The following PTN variants were observed in gnomAD, a reference collection of about 807,000 sequenced individuals.
PTN encodes pleiotrophin.
PTN carries 18 observed loss-of-function variants against 24.1 expected under a neutral mutation model. The observed-to-expected ratio is 0.75, with a 90% CI of 0.52 to 1.11. The LOEUF (loss-of-function observed/expected upper bound fraction) is 1.11. Among genes scored for constraint, PTN ranks in the 50% least tolerant of loss-of-function variants. PTN has a pLI of 0.00. For synonymous variants in PTN, 78 were observed against 68.6 expected, an observed-to-expected ratio of 1.14 and a Z score of -0.67; for missense variants, 163 against 198.8, an observed-to-expected ratio of 0.82 and a Z score of 1.08.
At chr7:137,258,310 T>C (rs1292077245) in intron 1 of PTN, among the ~76,000 whole-genome samples, 1 of 152,212 alleles carries the variant, frequency 6.6e-6, no homozygotes, top group Non-Finnish European at 1.5e-5. Flanking sequence ...CTGCCTCTAA[T>C]GTTAATTTAG....
chr7:137,291,137 T>A (rs1268224863), intron 1 of PTN, among the ~76,000 whole-genome samples: 1 of 152,204 alleles, frequency 6.6e-6, no homozygotes, highest in Non-Finnish European at 1.5e-5. Flanking sequence ...GTTTATTCTG[T>A]CTGTATACTA....
chr7:137,236,355 C>T lies in PTN; in HGVS notation c.452-8280G>A, dbSNP rs1004115489. The T allele has an allele frequency of 9.4e-5, 64 of 684,088 alleles. 1 individual carries two copies. Among genetic ancestry groups the T allele is most frequent in the African/African-American group, 7.2e-4 (41 of 56,654 alleles). The allele number at this position is 684,088 out of a possible 1,614,324, so 42.4% of individuals were successfully genotyped here. On this transcript the variant is annotated intron_variant, in intron 4 of 4. Coordinates refer to ENST00000348225, the MANE Select transcript of PTN (RefSeq NM_002825.7). Reference sequence around the variant, plus strand: ...GGTGGGGGAATCAGCCACACATGAGCGTGTTGGGATCAGTCCCTGATCTGA... The same window carrying T: ...GGTGGGGGAATCAGCCACACATGAGTGTGTTGGGATCAGTCCCTGATCTGA...
Position 137,251,339 on chromosome 7 carries a change from G to A in PTN, c.342C>T (p.Ala114=), listed in dbSNP as rs1182404227. 3 of 1,613,918 alleles carry A rather than the reference G, an allele frequency of 1.9e-6. No homozygotes were observed. In the Admixed American group the frequency reaches 5.0e-5, roughly 27 times the overall value. The change falls in exon 4 of 5, where the codon GCC becomes GCT. Residue 114 remains alanine, a synonymous_variant. Coordinates refer to ENST00000348225, the MANE Select transcript of PTN (RefSeq NM_002825.7). ...QAWGECDLNT[A]LKTRTGSLKR... The stretch of plus-strand genomic sequence containing the variant: ...TCAGACTTCCAGTTCTGGTCTTCAG[G>A]GCTGTGTTCAGGTCACATTCTCCCC...
At chr7:137,232,196 T>C (rs1176887981) in intron 4 of PTN, among the ~76,000 whole-genome samples, 1 of 151,828 alleles carries the variant, frequency 6.6e-6, no homozygotes, top group Non-Finnish European at 1.5e-5. Context: ...AAAGCAGAAA[T>C]GGATATAAAC....
intron 1 of PTN, among the ~76,000 whole-genome samples, chr7:137,307,478 G>T (rs1357547139): frequency 6.6e-6 from 1 of 152,084 alleles, no homozygotes; most frequent in Non-Finnish European, 1.5e-5. Context: ...TGGATGAAGA[G>T]CTGGCTTAGT....
At chr7:137,259,088 C>T (rs1227818102) in intron 1 of PTN, among the ~76,000 whole-genome samples, 1 of 151,972 alleles carries the variant, frequency 6.6e-6, no homozygotes, top group South Asian at 2.1e-4. Flanking sequence ...GTGCTGGTGT[C>T]TGGAAATAAT....
intron 1 of PTN, among the ~76,000 whole-genome samples, chr7:137,321,178 C>A (rs935706757): frequency 4.6e-5 from 7 of 152,130 alleles, no homozygotes; most frequent in Non-Finnish European, 7.4e-5. Flanking sequence ...GCTAAACAAG[C>A]AAAGACCCTG....
At chr7:137,321,625 CT>C (rs775880352) in intron 1 of PTN, among the ~76,000 whole-genome samples, 1 of 152,060 alleles carries the variant, frequency 6.6e-6, no homozygotes, top group Non-Finnish European at 1.5e-5. Flanking sequence ...GGTGGCTTTT[CT>C]TCTGTTTAAT....
Position 137,305,169 on chromosome 7 carries a change from C to T in PTN, c.-2+38270G>A, listed in dbSNP as rs190291482. On this transcript the variant is annotated intron_variant, in intron 1 of 4. Coordinates refer to ENST00000348225, the MANE Select transcript of PTN (RefSeq NM_002825.7). ...ATGTTAGCGATTAAAATATAAAAAT[C>T]GGCACTAAATTCAGATCAACCTCAA... Among the ~76,000 whole-genome samples, 189 of 152,076 alleles carry T rather than the reference C, an allele frequency of 1.2e-3. 1 individual carries two copies. The highest frequency in any genetic ancestry group is 4.4e-3 in the African/African-American group (182 of 41,526).
chr7:137,259,335 T>C (rs1172868422), intron 1 of PTN, among the ~76,000 whole-genome samples: 2 of 151,982 alleles, frequency 1.3e-5, no homozygotes, highest in African/African-American at 4.8e-5. Context: ...AGCGACCTAT[T>C]TGGGGGATTA....
At chr7:137,290,465 ATAG>A (rs561409296) in intron 1 of PTN, among the ~76,000 whole-genome samples, 41 of 152,294 alleles carry the variant, frequency 2.7e-4, no homozygotes, top group Middle Eastern at 3.4e-3. Context: ...GAAAATATCA[ATAG>A]TAGTAGGTTC....
chr7:137,279,266 T>C (rs971835849), intron 1 of PTN, among the ~76,000 whole-genome samples: 1 of 152,212 alleles, frequency 6.6e-6, no homozygotes. Flanking sequence ...TGAATGTCCA[T>C]GTATTTTGCC....
chr7:137,321,141 G>A (rs1270820183), intron 1 of PTN, among the ~76,000 whole-genome samples: 1 of 152,094 alleles, frequency 6.6e-6, no homozygotes, highest in Non-Finnish European at 1.5e-5. Flanking sequence ...TGCTGCAGGT[G>A]GTACTGAATT....
intron 1 of PTN, among the ~76,000 whole-genome samples, chr7:137,261,814 G>A (rs924048978): frequency 7.2e-5 from 11 of 152,114 alleles, no homozygotes; most frequent in Admixed American, 3.9e-4. Flanking sequence ...AAGCAAGGCC[G>A]GCCTGTTTAG....
At chr7:137,253,976 C>T (rs143090018) in intron 2 of PTN, among the ~76,000 whole-genome samples, 228 of 152,230 alleles carry the variant, frequency 1.5e-3, no homozygotes, top group African/African-American at 5.3e-3. Context: ...ATATAGTTCT[C>T]CTAAAAATGA....
intron 1 of PTN, among the ~76,000 whole-genome samples, chr7:137,304,683 C>G (rs1187616192): frequency 6.6e-6 from 1 of 151,970 alleles, no homozygotes; most frequent in East Asian, 1.9e-4. Flanking sequence ...TCTCTCCAAA[C>G]TGAATTATAT....
chr7:137,247,374 A>C (rs945516981), intron 4 of PTN, among the ~76,000 whole-genome samples: 4 of 152,200 alleles, frequency 2.6e-5, no homozygotes, highest in Non-Finnish European at 5.9e-5. Flanking sequence ...AACAACATGG[A>C]TAGAAATGGA....
At chr7:137,284,463 C>T (rs930013521) in intron 1 of PTN, among the ~76,000 whole-genome samples, 22 of 152,000 alleles carry the variant, frequency 1.4e-4, no homozygotes, top group African/African-American at 5.3e-4. Flanking sequence ...AATAATTAGC[C>T]TAAAGGCTAA....
At chr7:137,256,416 G>A (rs1808926304) in intron 1 of PTN, among the ~76,000 whole-genome samples, 1 of 152,118 alleles carries the variant, frequency 6.6e-6, no homozygotes, top group Non-Finnish European at 1.5e-5. Context: ...AACATGCGGT[G>A]TTTGGTTTCC....
Sources: gnomAD v4.1 joint callset for allele counts (sites outside exome capture counted in the v4.1 genomes callset) on GRCh38, gnomAD v4.1.1 for gene constraint, MANE v1.5 for transcripts, NCBI Gene and HGNC (gene_info 2026-07-23, HGNC 2026-07-21) for gene names.